The following SPECC1 variants were observed in gnomAD, a reference collection of about 807,000 sequenced individuals.
SPECC1 encodes sperm antigen with calponin homology and coiled-coil domains 1, also known as cytospin-B.
In SPECC1, 62 loss-of-function variants were observed where a neutral mutation model predicts 104.1. The ratio of observed to expected loss-of-function variants is 0.60; its 90% CI spans 0.49 to 0.74. The LOEUF is 0.74. SPECC1 is among the 30% of genes least tolerant of loss of function. The pLI is 0.00. For synonymous variants in SPECC1, 513 were observed against 501.6 expected (o/e 1.02, Z -0.30); for missense variants, 1,306 against 1,310.5 (o/e 1.00, Z 0.05).
At chr17:20,211,419 T>C (rs997361937) in intron 4 of SPECC1, among the ~76,000 whole-genome samples, 4 of 152,216 alleles carry the variant, frequency 2.6e-5, no homozygotes, top group Non-Finnish European at 5.9e-5. Context: ...GTGGAGGCTG[T>C]TGGGGAGAGC....
At chr17:20,092,458 A>G (rs1210658117) in intron 1 of SPECC1, among the ~76,000 whole-genome samples, 2 of 152,150 alleles carry the variant, frequency 1.3e-5, no homozygotes, top group Admixed American at 6.5e-5. Context: ...AGCCCTGGGC[A>G]ATTTTAATTG....
At chr17:20,294,427 G>A (rs1488281821) in intron 12 of SPECC1, among the ~76,000 whole-genome samples, 1 of 152,144 alleles carries the variant, frequency 6.6e-6, no homozygotes, top group Non-Finnish European at 1.5e-5. Context: ...AACAGGACGG[G>A]TTTTCTTTTC....
intron 4 of SPECC1, among the ~76,000 whole-genome samples, chr17:20,212,618 A>G (rs1189231770): frequency 1.3e-5 from 2 of 152,276 alleles, no homozygotes; most frequent in East Asian, 3.9e-4. Context: ...TCCCTCCCAC[A>G]ACATGTGGGA....
rs1445963259 is a variant in SPECC1 at position 20,297,086 on chromosome 17, T to C, written c.3057+9T>C. The C allele has an allele frequency of 2.5e-6, 4 of 1,610,716 alleles. No individual in the cohort carries two copies. The African/African-American group carries it at 5.3e-5, about 22-fold the overall frequency. ...TGAATAGTCAGGAGAAAGTAAGTCA[T>C]GGCCCTGTCACCTTGGTTATCCTCT... On this transcript the variant is annotated intron_variant, in intron 13 of 14. Coordinates refer to ENST00000395527, the MANE Select transcript of SPECC1 (RefSeq NM_001243439.2).
intron 14 of SPECC1, among the ~76,000 whole-genome samples, chr17:20,312,188 T>G (rs2041950651): frequency 6.6e-6 from 1 of 152,190 alleles, no homozygotes; most frequent in Non-Finnish European, 1.5e-5. Context: ...GAATTGGTAT[T>G]ATTTCTTCCT....
chr17:20,111,438 T>G (rs967378564), intron 3 of SPECC1, among the ~76,000 whole-genome samples: 14 of 152,394 alleles, frequency 9.2e-5, no homozygotes, highest in Admixed American at 5.2e-4. Context: ...GGGAATGGCC[T>G]GGTTTTTCTA....
intron 4 of SPECC1, among the ~76,000 whole-genome samples, chr17:20,214,796 C>T (rs1328039403): frequency 6.6e-6 from 1 of 152,220 alleles, no homozygotes; most frequent in African/African-American, 2.4e-5. Flanking sequence ...GCGTGAGCCA[C>T]TGCACCCGGC....
At chr17:20,013,507 G>T (rs1432634363) in intron 1 of SPECC1, among the ~76,000 whole-genome samples, 1 of 151,972 alleles carries the variant, frequency 6.6e-6, no homozygotes, top group Non-Finnish European at 1.5e-5. Flanking sequence ...TTATATTTTT[G>T]ATTTCCTTTT....
chr17:20,284,483 A>C (rs2040876910), intron 12 of SPECC1, among the ~76,000 whole-genome samples: 1 of 152,234 alleles, frequency 6.6e-6, no homozygotes. Context: ...AGAGGTACTA[A>C]AACTGGATGT....
At chr17:20,054,942 A>G (rs1399574612) in intron 1 of SPECC1, among the ~76,000 whole-genome samples, 3 of 152,208 alleles carry the variant, frequency 2.0e-5, no homozygotes, top group African/African-American at 7.2e-5. Flanking sequence ...TTGTGGATCT[A>G]CTACATTTGT....
rs978720282 is a variant in SPECC1, at chr17:20,096,902, G to A, written c.147+104G>A. The A allele has an allele frequency of 1.1e-5, 16 of 1,426,788 alleles. No homozygotes were observed. In the East Asian group the frequency reaches 1.2e-4, roughly 10 times the overall value. 88.4% of individuals were successfully genotyped at this position (1,426,788 alleles called of 1,614,324 possible). A position where few individuals can be genotyped will look rare whatever the true frequency, so the allele number is the denominator to read the frequency against. On this transcript the variant is annotated intron_variant, in intron 2 of 14. Transcript: ENST00000395527. ...ACCAGTGGCCTCTCGGGGCAGGGAA[G>A]GAGGCTCCCAAGGAGGGGTCGCAGG...
At chr17:20,239,623 C>T (rs1425227289) in intron 7 of SPECC1, among the ~76,000 whole-genome samples, 1 of 151,910 alleles carries the variant, frequency 6.6e-6, no homozygotes, top group African/African-American at 2.4e-5. Context: ...AGTCCTTATT[C>T]ATATAGTCCT....
intron 4 of SPECC1, among the ~76,000 whole-genome samples, chr17:20,209,671 G>C (rs2037009801): frequency 6.6e-6 from 1 of 151,928 alleles, no homozygotes; most frequent in Non-Finnish European, 1.5e-5. Context: ...ACATACTTCT[G>C]TACAACTTTG....
At chr17:20,134,408 T>C (rs1353474956) in intron 3 of SPECC1, among the ~76,000 whole-genome samples, 1 of 148,124 alleles carries the variant, frequency 6.8e-6, no homozygotes, top group Non-Finnish European at 1.5e-5. Context: ...TCTGCATGAC[T>C]CCATAACATC....
chr17:20,305,962 T>A, intron 13 of SPECC1, 61 bp from the exon 14 acceptor site: 1 of 1,468,490 alleles, frequency 6.8e-7, no homozygotes, highest in Non-Finnish European at 9.5e-7. Context: ...TGATATTCTT[T>A]CCTGGCAAAA....
At position 20,161,132 on chromosome 17, in the gene SPECC1, GC is replaced by G. The variant is rs2033106040; in HGVS notation, c.284-43198del. The stretch of plus-strand genomic sequence containing the variant: ...AGGCTGAGGCAGGAGAATCGCTTGA[GC>G]CCGGGAGGCGGAGGTTGCAGTGAGC... On this transcript the variant is annotated intron_variant, in intron 3 of 14. Transcript: ENST00000395527. Among the ~76,000 whole-genome samples, 3 of 152,302 alleles carry G rather than the reference GC, an allele frequency of 2.0e-5. No individual in the cohort carries two copies. In the South Asian group the frequency reaches 6.2e-4, roughly 32 times the overall value.
intron 1 of SPECC1, among the ~76,000 whole-genome samples, chr17:20,022,132 G>A (rs1052769187): frequency 1.4e-5 from 2 of 146,086 alleles, no homozygotes; most frequent in East Asian, 2.1e-4. Flanking sequence ...CAGTAGAGAC[G>A]GGGTTTCACC....
chr17:20,225,469 C>G (rs1019118740), intron 4 of SPECC1, among the ~76,000 whole-genome samples: 1 of 152,242 alleles, frequency 6.6e-6, no homozygotes, highest in African/African-American at 2.4e-5. Flanking sequence ...CTGGCTAGGG[C>G]TGGTCTAAAT....
In SPECC1 at chr17:20,164,567, T is replaced by C. The variant is rs189816333; in HGVS notation, c.284-39766T>C. Among the ~76,000 whole-genome samples the C allele has an allele frequency of 1.4e-4, 21 of 152,268 alleles. 1 individual carries two copies. Among genetic ancestry groups the C allele is most frequent in the Admixed American group, 1.1e-3 (17 of 15,294 alleles). On this transcript the variant is annotated intron_variant, in intron 3 of 14. Coordinates refer to ENST00000395527, the MANE Select transcript of SPECC1 (RefSeq NM_001243439.2). ...TCTTACCCTACCCAGACTTCAGATA[T>C]CAGCTTGAGCAACTTTTGCTTTGGT...
Sources: gnomAD v4.1 joint callset for allele counts (sites outside exome capture counted in the v4.1 genomes callset) on GRCh38, gnomAD v4.1.1 for gene constraint, MANE v1.5 for transcripts, NCBI Gene and HGNC (gene_info 2026-07-23, HGNC 2026-07-21) for gene names.